The following WIZ variants were observed in gnomAD, a reference collection of about 807,000 sequenced individuals.
WIZ encodes protein Wiz.
WIZ carries 25 observed loss-of-function variants against 140.2 expected under a neutral mutation model. The ratio of observed to expected loss-of-function variants is 0.18; its 90% CI spans 0.13 to 0.25. The LOEUF (loss-of-function observed/expected upper bound fraction) is 0.25, where lower values mean the gene tolerates loss of function less well. Ranked by LOEUF, WIZ falls within the 10% of genes least tolerant of loss-of-function variation. The probability of loss-of-function intolerance (pLI) is 1.00; values close to 1 mark genes in which losing one functional copy is unlikely to be tolerated. For synonymous variants in WIZ, 1,125 were observed against 1,154.3 expected, an observed-to-expected ratio of 0.97 and a Z score of 0.51; for missense variants, 2,231 against 2,632.6, an observed-to-expected ratio of 0.85 and a Z score of 3.34.
rs1968413975 is a variant in WIZ at position 15,422,251 on chromosome 19, C to T, written c.*825G>A. ...AGATCCACGTTCCTTATTCTCTACA[C>T]AAAACGCGTTTTTAAAAAAGTGAAA... On this transcript the variant is annotated 3_prime_UTR_variant, in exon 13 of 13. Coordinates refer to ENST00000673675, the MANE Select transcript of WIZ (RefSeq NM_001371589.1). The T allele has an allele frequency of 6.6e-6, 1 of 152,350 alleles. No homozygotes were observed. Among genetic ancestry groups the T allele is most frequent in the Non-Finnish European group, 1.5e-5 (1 of 68,026 alleles). 9.4% of individuals were successfully genotyped at this position (152,350 alleles called of 1,614,324 possible).
rs1449478869 is a variant in WIZ at position 15,427,445 on chromosome 19, G to A, written c.3903C>T (p.Arg1301=). 1 of 1,613,706 alleles carries A rather than the reference G, an allele frequency of 6.2e-7. No homozygotes were observed. Residue 1301 remains arginine (R), a synonymous_variant, in exon 9 of 13, where the codon CGC becomes CGT. Coordinates refer to ENST00000673675, the MANE Select transcript of WIZ (RefSeq NM_001371589.1). The surrounding 1 kb of genome is among the most constrained non-coding windows in gnomAD (Gnocchi z 6.4). ...TCACGCCCATTTGCCGCAGATGGGA[G>A]CGCGCGTGGCTCGAGAGGCCCTTGC... ...ENRKGLSSHA[R]SHLRQMGVTE... is the part of the protein sequence containing the mutation.
In WIZ at chr19:15,426,564, A is replaced by C. The variant is rs184438239; in HGVS notation, c.4366+418T>G. On this transcript the variant is annotated intron_variant, in intron 9 of 12. Transcript: ENST00000673675. ...TGGAGGAACAGAGATCTTAACTCACACTTGACTCCCAATGTCAAGCACTTA... is the reference window on the plus strand; with the variant it reads ...TGGAGGAACAGAGATCTTAACTCACCCTTGACTCCCAATGTCAAGCACTTA... Among the ~76,000 whole-genome samples, 22 of 152,314 alleles carry C rather than the reference A, an allele frequency of 1.4e-4. No homozygotes were observed. The East Asian group carries it at 4.1e-3, about 28-fold the overall frequency.
rs544748984 is a variant in WIZ at position 15,445,483 on chromosome 19, T to C, written c.205+2620A>G. 5.9e-5 allele frequency among the ~76,000 whole-genome samples: 9 copies of C among 152,230 alleles called. No homozygotes were observed. In the South Asian group the frequency reaches 1.7e-3, roughly 28 times the overall value. ...AGGGGAAGAAGGCTGGTGGGAGGCC[T>C]GGGGGATCAGGGCTGGTTCAGCGAT... On this transcript the variant is annotated intron_variant, in intron 2 of 12. Transcript: ENST00000673675.
Position 15,442,537 on chromosome 19 carries a change from C to A in WIZ, c.278+139G>T. 1 of 591,412 alleles carries A rather than the reference C, an allele frequency of 1.7e-6. No individual in the cohort carries two copies. 36.6% of individuals were successfully genotyped at this position (591,412 alleles called of 1,614,324 possible). On this transcript the variant is annotated intron_variant, in intron 3 of 12. Coordinates refer to ENST00000673675, the MANE Select transcript of WIZ (RefSeq NM_001371589.1). The surrounding 1 kb of genome is among the most constrained non-coding windows in gnomAD (Gnocchi z 5.5). ...AGCACACGCCCAGGGGCTTGCCTGC[C>A]GGGAGCTGACTCCTCCTCCTGCCTG...
intron 2 of WIZ, among the ~76,000 whole-genome samples, chr19:15,447,696 C>T (rs986149395): frequency 3.3e-5 from 5 of 152,138 alleles, no homozygotes; most frequent in Admixed American, 2.0e-4. Flanking sequence ...TGTTTTGGCC[C>T]GTGGTTCAGG....
rs1372348889 is a variant in WIZ, at chr19:15,428,357, G to A, written c.3567C>T (p.Leu1189=). ...CGCCGTCCCTCCTGATGAGCCCGTG[G>A]AGCACGTCTATGGGGGATCCCTTGG... ...PDAKGSPIDV[L]HGLIRRDGVQ... is the part of the protein sequence containing the mutation. The change falls in exon 8 of 13, where the codon CTC becomes CTT. Residue 1189 remains leucine (L), a synonymous_variant. Transcript: ENST00000673675. This position sits in a 1 kb window ranked among gnomAD's most constrained non-coding sequence, Gnocchi z 6.4. The A allele has an allele frequency of 8.5e-6, 13 of 1,535,272 alleles. No individual in the cohort carries two copies. Among genetic ancestry groups the A allele is most frequent in the African/African-American group, 1.4e-5 (1 of 73,004 alleles).
rs188482588 is a variant in WIZ, at chr19:15,447,353, G to T, written c.205+750C>A. Among the ~76,000 whole-genome samples the T allele has an allele frequency of 3.9e-5, 6 of 152,268 alleles. No individual in the cohort carries two copies. The East Asian group carries it at 1.2e-3, about 29-fold the overall frequency. ...TTCAAATGCCACTCTATCAGGGAGG[G>T]TCTCCCAGGTCTCCCAGGCATGATC... On this transcript the variant is annotated intron_variant, in intron 2 of 12. Coordinates refer to ENST00000673675, the MANE Select transcript of WIZ (RefSeq NM_001371589.1).
At position 15,422,165 on chromosome 19, in the gene WIZ, A is replaced by G. The variant is rs1968409780; in HGVS notation, c.*911T>C. The G allele has an allele frequency of 6.6e-6, 1 of 152,238 alleles. No homozygotes were observed. The allele number at this position is 152,238 out of a possible 1,614,324, so 9.4% of individuals were successfully genotyped here. ...ATCGATAACCAAAATGTGGCCACTGAAAAAAGTTAAAAGGTCAATCAGCTC... is the reference window on the plus strand; with the variant it reads ...ATCGATAACCAAAATGTGGCCACTGGAAAAAGTTAAAAGGTCAATCAGCTC... On this transcript the variant is annotated 3_prime_UTR_variant, in exon 13 of 13. Coordinates refer to ENST00000673675, the MANE Select transcript of WIZ (RefSeq NM_001371589.1).
Position 15,424,895 on chromosome 19 carries a change from C to T in WIZ, c.5032G>A (p.Glu1678Lys), listed in dbSNP as rs774364526. 3 of 1,610,576 alleles carry T rather than the reference C, an allele frequency of 1.9e-6. No individual in the cohort carries two copies. The highest frequency in any genetic ancestry group is 2.5e-6 in the Non-Finnish European group (3 of 1,179,354). Residue 1678 changes from glutamate to lysine, a missense_variant, in exon 11 of 13, where the codon GAG becomes AAG. This residue lies in a region of WIZ where 299 missense variants were observed against 309.6 expected (regional missense o/e 0.97). Coordinates refer to ENST00000673675, the MANE Select transcript of WIZ (RefSeq NM_001371589.1). This position sits in a 1 kb window ranked among gnomAD's most constrained non-coding sequence, Gnocchi z 9.7. ...TTCTGGGGCCGGTGTTTGATCCACT[C>T]GCTCAGTGTCTCGATGGGCGAGCCA... ...VNGSPIETLS[E>K]WIKHRPQKVG...
intron 1 of WIZ, among the ~76,000 whole-genome samples, chr19:15,449,057 A>AC (rs1970018638): frequency 6.9e-6 from 1 of 144,522 alleles, no homozygotes; most frequent in South Asian, 2.3e-4. Context: ...CATTCCCCCC[A>AC]CCCCCCAACC....
At position 15,424,345 on chromosome 19, in the gene WIZ, G is replaced by A. The variant is rs1416987494; in HGVS notation, c.5348C>T (p.Ala1783Val). 1 of 1,602,716 alleles carries A rather than the reference G, an allele frequency of 6.2e-7. No homozygotes were observed. ...GTCCTCGCCTCCCCGGGCTGCGGAG[G>A]CATCTGGAGGGCGGGCTTGTCGGCG... ...FERRQARPPDASAARGGEDTN... is the reference protein window; with the variant it reads ...FERRQARPPDVSAARGGEDTN... The change falls in exon 12 of 13, where the codon GCC (alanine) becomes GTC (valine). Residue 1783 changes from alanine to valine, a missense_variant. By Grantham distance (64) the Ala-to-Val change is moderately conservative. This residue lies in a region of WIZ where 299 missense variants were observed against 309.6 expected (regional missense o/e 0.97). Coordinates refer to ENST00000673675, the MANE Select transcript of WIZ (RefSeq NM_001371589.1). The surrounding 1 kb of genome is among the most constrained non-coding windows in gnomAD (Gnocchi z 9.7).
chr19:15,426,871 T>C (rs1185957511), intron 9 of WIZ, 111 bp downstream of exon 9: 16 of 1,311,392 alleles, frequency 1.2e-5, no homozygotes, highest in Non-Finnish European at 1.6e-5. Context: ...CCTCTCTACC[T>C]GCGTGTCCTC....
intron 2 of WIZ, 26 bp downstream of exon 2, chr19:15,448,077 G>A: frequency 1.2e-6 from 2 of 1,609,148 alleles, no homozygotes; most frequent in Non-Finnish European, 1.7e-6. Context: ...GATGCTCCCT[G>A]GGGGCCACAC....
intron 5 of WIZ, among the ~76,000 whole-genome samples, chr19:15,436,206 T>C (rs1048626461): frequency 1.5e-4 from 23 of 152,220 alleles, no homozygotes; most frequent in Non-Finnish European, 2.4e-4. Flanking sequence ...TTCAACTTCT[T>C]AACAGCCATA....
intron 1 of WIZ, chr19:15,449,346 G>C (rs561366984): frequency 1.1e-3 from 168 of 152,412 alleles, no homozygotes; most frequent in African/African-American, 3.7e-3. Flanking sequence ...GTCTTGGTGG[G>C]GGTCCCTACC....
Position 15,428,356 on chromosome 19 carries a change from G to A in WIZ, c.3568C>T (p.His1190Tyr). Residue 1190 changes from histidine to tyrosine, a missense_variant, in exon 8 of 13, where the codon CAC becomes TAC. Physicochemically the swap from His to Tyr is moderately conservative, Grantham distance 83 (BLOSUM62 2). This residue lies in a region of WIZ where 141 missense variants were observed against 161.2 expected (regional missense o/e 0.87). Coordinates refer to ENST00000673675, the MANE Select transcript of WIZ (RefSeq NM_001371589.1). The surrounding 1 kb of genome is among the most constrained non-coding windows in gnomAD (Gnocchi z 6.4). ...DAKGSPIDVL[H>Y]GLIRRDGVQI... ...ACGCCGTCCCTCCTGATGAGCCCGT[G>A]GAGCACGTCTATGGGGGATCCCTTG... The A allele has an allele frequency of 6.5e-7, 1 of 1,535,394 alleles. No individual in the cohort carries two copies. The highest frequency in any genetic ancestry group is 1.2e-5 in the South Asian group (1 of 84,026).
At position 15,442,032 on chromosome 19, in the gene WIZ, C is replaced by T. The variant is rs1010074618; in HGVS notation, c.278+644G>A. Among the ~76,000 whole-genome samples, 6 of 151,992 alleles carry T rather than the reference C, an allele frequency of 3.9e-5. No individual in the cohort carries two copies. The highest frequency in any genetic ancestry group is 1.2e-4 in the African/African-American group (5 of 41,358). ...TGAAACCCCATCTCTACTAAAAATA[C>T]AAAAACTATCTGGGCATGGTGGCAG... is the stretch of plus-strand genomic sequence containing the variant. On this transcript the variant is annotated intron_variant, in intron 3 of 12. Transcript: ENST00000673675. The surrounding 1 kb of genome is among the most constrained non-coding windows in gnomAD (Gnocchi z 5.5).
At chr19:15,425,835 AGGGAGGAGGAGGAG>A (rs2145223196) in intron 9 of WIZ, 67 bp from the exon 10 acceptor site, 2 of 24,418 alleles carry the variant, frequency 8.2e-5, no homozygotes, top group African/African-American at 7.2e-4. Context: ...AGGGAGGAGG[AGGGAGGAGGAGGAG>A]GGAGGAGGGA....
At chr19:15,429,496 C>CCCCGGGG in intron 7 of WIZ, 90 bp downstream of exon 7, 1 of 1,092,770 alleles carries the variant, frequency 9.2e-7, no homozygotes, top group Non-Finnish European at 1.2e-6. Context: ...CCCCACCCAC[C>CCCCGGGG]CTGGGCCCTG....
Sources: gnomAD v4.1 joint callset for allele counts (sites outside exome capture counted in the v4.1 genomes callset) on GRCh38, gnomAD v4.1.1 for gene constraint, gnomAD v4.1.1 regional missense constraint, Gnocchi (gnomAD v3.1) non-coding constraint, MANE v1.5 for transcripts, NCBI Gene and HGNC (gene_info 2026-07-23, HGNC 2026-07-21) for gene names.